CEACAM7: variants seen among roughly 807,000 people sequenced by gnomAD.
CEACAM7 encodes cell adhesion molecule CEACAM7.
CEACAM7 carries 24 observed loss-of-function variants against 25.7 expected under a neutral mutation model. The ratio of observed to expected loss-of-function variants is 0.93; its 90% confidence interval spans 0.68 to 1.31. The LOEUF (loss-of-function observed/expected upper bound fraction) is 1.31. CEACAM7 is among the 40% of genes most tolerant of loss of function. CEACAM7 has a pLI of 0.00. For synonymous variants in CEACAM7, 144 were observed against 129.4 expected, an observed-to-expected ratio of 1.11 and a Z score of -0.77; for missense variants, 324 against 330.1, an observed-to-expected ratio of 0.98 and a Z score of 0.14.
At chr19:41,684,158 GC>G in intron 2 of CEACAM7, 95 bp from the exon 3 acceptor site, 1 of 1,341,908 alleles carries the variant, frequency 7.5e-7, no homozygotes. Flanking sequence ...CCACCTCTAA[GC>G]CCACTCAAGT....
At chr19:41,675,213 TAACTATTTTCATAACAATGTG>T (rs1555810021) in intron 4 of CEACAM7, among the ~76,000 whole-genome samples, 1 of 152,224 alleles carries the variant, frequency 6.6e-6, no homozygotes, top group Non-Finnish European at 1.5e-5. Flanking sequence ...CTTATGCAAA[TAACTATTTTCATAACAATGTG>T]AACACCCATG....
intron 3 of CEACAM7, among the ~76,000 whole-genome samples, chr19:41,680,934 A>C (rs1264161652): frequency 6.6e-6 from 1 of 152,186 alleles, no homozygotes; most frequent in Admixed American, 6.5e-5. Context: ...TTCATAAAAA[A>C]TAAGATCTTC....
At chr19:41,687,340 TG>T in intron 1 of CEACAM7, 119 bp from the exon 2 acceptor site, 2 of 953,306 alleles carry the variant, frequency 2.1e-6, no homozygotes, top group Non-Finnish European at 3.2e-6. Context: ...AGTGTGTGTG[TG>T]TGTGTGTGTG....
At chr19:41,675,636 A>G (rs148466795) in intron 4 of CEACAM7, among the ~76,000 whole-genome samples, 82 of 152,356 alleles carry the variant, frequency 5.4e-4, no homozygotes, top group African/African-American at 1.8e-3. Flanking sequence ...GCAGTTTTGG[A>G]CTGTAACCAT....
intron 2 of CEACAM7, 85 bp downstream of exon 2, chr19:41,686,774 A>C (rs2072229189): frequency 7.1e-7 from 1 of 1,411,040 alleles, no homozygotes; most frequent in Non-Finnish European, 9.5e-7. Flanking sequence ...AGATGGGGAC[A>C]CAGGCACAAC....
intron 3 of CEACAM7, among the ~76,000 whole-genome samples, chr19:41,678,113 C>A (rs564494289): frequency 1.3e-5 from 2 of 152,124 alleles, no homozygotes; most frequent in Non-Finnish European, 2.9e-5. Context: ...GCTCCTCCCC[C>A]TCCCAGCCCA....
In CEACAM7 at chr19:41,686,839, G is replaced by T. The variant is rs377292479; in HGVS notation, c.427+20C>A. 1 of 1,521,440 alleles carries T rather than the reference G, an allele frequency of 6.6e-7. No individual in the cohort carries two copies. Among genetic ancestry groups the T allele is most frequent in the East Asian group, 2.3e-5 (1 of 44,204 alleles). The allele number at this position is 1,521,440 out of a possible 1,614,324, so 94.2% of individuals were successfully genotyped here. A position where few individuals can be genotyped will look rare whatever the true frequency, so the allele number is the denominator to read the frequency against. ...TAGAACTGGCCCCCAGCACCCAGAA[G>T]TCATGGAGGTATCACTCACAGAATA... On this transcript the variant is annotated intron_variant, in intron 2 of 4. Transcript: ENST00000401731.
chr19:41,673,346 C>G lies in CEACAM7; in HGVS notation c.*1430G>C, dbSNP rs1555809801. Reference sequence around the variant, plus strand: ...TTTATTTGTGATTCATGAGTCAGGGCAGTTTCCATTCTGCAAAATATAGTG... The same window carrying G: ...TTTATTTGTGATTCATGAGTCAGGGGAGTTTCCATTCTGCAAAATATAGTG... On this transcript the variant is annotated 3_prime_UTR_variant, in exon 5 of 5. Transcript: ENST00000401731. 1 of 152,146 alleles carries G rather than the reference C, an allele frequency of 6.6e-6. No individual in the cohort carries two copies. Among genetic ancestry groups the G allele is most frequent in the African/African-American group, 2.4e-5 (1 of 41,432 alleles). 9.4% of individuals were successfully genotyped at this position (152,146 alleles called of 1,614,324 possible). A position where few individuals can be genotyped will look rare whatever the true frequency, so the allele number is the denominator to read the frequency against.
At chr19:41,684,133 C>T in intron 2 of CEACAM7, 70 bp from the exon 3 acceptor site, 1 of 1,549,950 alleles carries the variant, frequency 6.5e-7, no homozygotes, top group Non-Finnish European at 8.8e-7. Context: ...ATCTTTCAAT[C>T]AGAGTTGGCA....
At chr19:41,675,195 T>C (rs2072102171) in intron 4 of CEACAM7, among the ~76,000 whole-genome samples, 1 of 152,234 alleles carries the variant, frequency 6.6e-6, no homozygotes, top group Non-Finnish European at 1.5e-5. Flanking sequence ...GAACAGATTC[T>C]TATTGAACTT....
chr19:41,675,068 T>C (rs76623352), intron 4 of CEACAM7, among the ~76,000 whole-genome samples: 2,592 of 152,354 alleles, frequency 0.017, 151 homozygotes, highest in East Asian at 0.17. Context: ...GACTTCAGAC[T>C]TTGCCTGCAG....
rs372993264 is a variant in CEACAM7 at position 41,685,691 on chromosome 19, AAC to A, written c.427+1166_427+1167del. On this transcript the variant is annotated intron_variant, in intron 2 of 4. Transcript: ENST00000401731. Reference sequence around the variant, plus strand: ...TGGGAGTGACACCAACACATCAGGAAACACAGGATTTCAGGTCCAGTGAGGGT... The same window carrying A: ...TGGGAGTGACACCAACACATCAGGAAACAGGATTTCAGGTCCAGTGAGGGT... Among the ~76,000 whole-genome samples the A allele has an allele frequency of 1.0e-3, 153 of 152,304 alleles. 1 individual carries two copies. Among genetic ancestry groups the A allele is most frequent in the African/African-American group, 3.5e-3 (145 of 41,562 alleles).
rs547307495 is a variant in CEACAM7, at chr19:41,673,840, G to C, written c.*936C>G. On this transcript the variant is annotated 3_prime_UTR_variant, in exon 5 of 5. Coordinates refer to ENST00000401731, the MANE Select transcript of CEACAM7 (RefSeq NM_001291485.2). ...AATATTTGACATTTGACGAATGGCT[G>C]CATGCAAACATTTAAAGGTTTTAGA... 2.6e-4 allele frequency: 39 copies of C among 152,292 alleles called. No homozygotes were observed. Among genetic ancestry groups the C allele is most frequent in the African/African-American group, 9.4e-4 (39 of 41,550 alleles). 9.4% of individuals were successfully genotyped at this position (152,292 alleles called of 1,614,324 possible).
At position 41,678,782 on chromosome 19, in the gene CEACAM7, T is replaced by A. The variant is rs183236767; in HGVS notation, c.707-1279A>T. On this transcript the variant is annotated intron_variant, in intron 3 of 4. Coordinates refer to ENST00000401731, the MANE Select transcript of CEACAM7 (RefSeq NM_001291485.2). ...CCTCTGCATGTGGCATTTTGCTGAA[T>A]GTTTCATTGATTATTACATTAAATC... Among the ~76,000 whole-genome samples the A allele has an allele frequency of 3.9e-5, 6 of 152,248 alleles. No homozygotes were observed. In the South Asian group the frequency reaches 1.2e-3, roughly 31 times the overall value.
intron 3 of CEACAM7, among the ~76,000 whole-genome samples, chr19:41,678,617 G>C (rs782603281): frequency 2.0e-5 from 3 of 152,108 alleles, no homozygotes; most frequent in African/African-American, 4.8e-5. Flanking sequence ...GAAAATAGAG[G>C]TGGCTTAGAG....
intron 4 of CEACAM7, 65 bp downstream of exon 4, chr19:41,677,311 C>T: frequency 1.2e-6 from 1 of 847,808 alleles, no homozygotes; most frequent in Non-Finnish European, 2.0e-6. Flanking sequence ...AAGTCCTTTC[C>T]CTCTCCCAAG....
At chr19:41,682,726 C>T (rs782141806) in intron 3 of CEACAM7, among the ~76,000 whole-genome samples, 10 of 152,214 alleles carry the variant, frequency 6.6e-5, no homozygotes, top group Non-Finnish European at 7.3e-5. Flanking sequence ...GGGTTTCCTC[C>T]TCTCATCTGG....
chr19:41,675,972 C>T (rs2072109859), intron 4 of CEACAM7, among the ~76,000 whole-genome samples: 1 of 152,208 alleles, frequency 6.6e-6, no homozygotes, highest in Non-Finnish European at 1.5e-5. Flanking sequence ...TTCCATCTCG[C>T]TTCTGTTTCT....
intron 1 of CEACAM7, 60 bp from the exon 2 acceptor site, chr19:41,687,281 G>A: frequency 6.6e-7 from 1 of 1,518,594 alleles, no homozygotes; most frequent in Non-Finnish European, 8.8e-7. Context: ...TGGAAAGATG[G>A]GGCCCTGGAT....
Sources: allele counts gnomAD v4.1 joint callset (sites outside exome capture counted in the v4.1 genomes callset), GRCh38; gene constraint gnomAD v4.1.1; transcripts MANE v1.5; gene names NCBI Gene and HGNC (gene_info 2026-07-23, HGNC 2026-07-21).